PRKG1: variants seen among roughly 807,000 people sequenced by gnomAD.
PRKG1 encodes the protein cGMP-dependent protein kinase 1.
In PRKG1, 35 loss-of-function variants were observed where a neutral mutation model predicts 88.1. The observed-to-expected ratio is 0.40, with a 90% CI of 0.30 to 0.53. The LOEUF is 0.53. Among genes scored for constraint, PRKG1 ranks in the 20% least tolerant of loss-of-function variants. The pLI, the probability that PRKG1 is intolerant of heterozygous loss-of-function variation, is 0.59. For synonymous variants in PRKG1, 303 were observed against 292.5 expected (o/e 1.04, Z -0.37); for missense variants, 540 against 839.8 (o/e 0.64, Z 4.41).
chr10:51,259,128 G>T (rs746172788), intron 2 of PRKG1, among the ~76,000 whole-genome samples: 5 of 152,074 alleles, frequency 3.3e-5, no homozygotes, highest in Non-Finnish European at 5.9e-5. Flanking sequence ...TTAAAATACA[G>T]CATATTTTTG....
chr10:51,991,564 T>C (rs1197991153), intron 5 of PRKG1, among the ~76,000 whole-genome samples: 1 of 152,162 alleles, frequency 6.6e-6, no homozygotes, highest in Non-Finnish European at 1.5e-5. Context: ...TGGTGTGTGA[T>C]GTTCCCCTTC....
At chr10:51,916,406 G>A (rs1393309277) in intron 5 of PRKG1, among the ~76,000 whole-genome samples, 5 of 152,180 alleles carry the variant, frequency 3.3e-5, no homozygotes, top group Non-Finnish European at 5.9e-5. Context: ...GTGTAAAAAC[G>A]GAAGGTATGA....
upstream of PRKG1, among the ~76,000 whole-genome samples, chr10:51,069,603 A>C (rs1383913404): frequency 1.3e-5 from 2 of 152,036 alleles, no homozygotes; most frequent in Non-Finnish European, 2.9e-5. Flanking sequence ...TATTCATTGC[A>C]ATAGGATGAT....
chr10:51,603,974 A>C (rs1467435772), intron 3 of PRKG1, among the ~76,000 whole-genome samples: 1 of 152,130 alleles, frequency 6.6e-6, no homozygotes, highest in Non-Finnish European at 1.5e-5. Flanking sequence ...CCCAAGGTCT[A>C]GGTGTTTACC....
chr10:51,094,503 T>C (rs1844481603), intron 1 of PRKG1, among the ~76,000 whole-genome samples: 1 of 152,116 alleles, frequency 6.6e-6, no homozygotes, highest in Non-Finnish European at 1.5e-5. Flanking sequence ...GCATAATTCT[T>C]ACCTGAAACC....
At chr10:51,046,141 G>A (rs780073548) in intron 1 of PRKG1, among the ~76,000 whole-genome samples, 2 of 152,242 alleles carry the variant, frequency 1.3e-5, no homozygotes, top group African/African-American at 2.4e-5. Flanking sequence ...CTTCCAGTAT[G>A]TAACAATTGT....
chr10:51,733,942 A>C (rs1235622379), intron 3 of PRKG1, among the ~76,000 whole-genome samples: 2 of 152,158 alleles, frequency 1.3e-5, no homozygotes, highest in East Asian at 3.8e-4. Flanking sequence ...TATTAGGAAA[A>C]AACTCCATAT....
chr10:51,358,959 G>T lies in PRKG1; in HGVS notation c.479-108764G>T, dbSNP rs1842423594. ...TGGGGGGGGGGGTGTGGATTTTGTA[G>T]ATTTTTCCTGCATGTGAAGGTGTGA... On this transcript the variant is annotated intron_variant, in intron 2 of 17. Transcript: ENST00000373980. Among the ~76,000 whole-genome samples, 3 of 149,324 alleles carry T rather than the reference G, an allele frequency of 2.0e-5. No homozygotes were observed. In the South Asian group the frequency reaches 6.3e-4, roughly 31 times the overall value.
At chr10:52,121,836 G>C (rs1410911820) in intron 7 of PRKG1, among the ~76,000 whole-genome samples, 1 of 152,112 alleles carries the variant, frequency 6.6e-6, no homozygotes, top group Non-Finnish European at 1.5e-5. Flanking sequence ...GCCCTCACCA[G>C]AATTTCCCTT....
At chr10:51,558,534 A>G (rs116171905) in intron 3 of PRKG1, among the ~76,000 whole-genome samples, 2,381 of 152,176 alleles carry the variant, frequency 0.016, 44 homozygotes, top group African/African-American at 0.05. Context: ...TATACCTGTG[A>G]ATATGCATGG....
At chr10:51,483,295 A>G (rs976548913) in intron 3 of PRKG1, among the ~76,000 whole-genome samples, 1 of 152,178 alleles carries the variant, frequency 6.6e-6, no homozygotes, top group Non-Finnish European at 1.5e-5. Context: ...TGCTGGGATT[A>G]CAGGCGTGAG....
chr10:52,169,765 C>T (rs1838608638), intron 9 of PRKG1, among the ~76,000 whole-genome samples: 1 of 152,028 alleles, frequency 6.6e-6, no homozygotes, highest in Non-Finnish European at 1.5e-5. Flanking sequence ...TGAGCTTACA[C>T]CAAATAATAA....
chr10:52,201,241 G>A (rs1839660480), intron 9 of PRKG1, among the ~76,000 whole-genome samples: 1 of 152,146 alleles, frequency 6.6e-6, no homozygotes, highest in Admixed American at 6.6e-5. Context: ...TATAGTATAA[G>A]GAAGGGGTAC....
intron 9 of PRKG1, among the ~76,000 whole-genome samples, chr10:52,170,037 G>C (rs993985024): frequency 6.6e-6 from 1 of 152,096 alleles, no homozygotes; most frequent in Admixed American, 6.6e-5. Flanking sequence ...ATACTGAGTA[G>C]CATTCCCTTA....
intron 4 of PRKG1, among the ~76,000 whole-genome samples, chr10:51,894,057 T>G (rs1841784301): frequency 6.6e-6 from 1 of 152,174 alleles, no homozygotes; most frequent in Non-Finnish European, 1.5e-5. Context: ...GTCCTTGAGT[T>G]TTGAAGAAGT....
At chr10:51,509,946 A>G (rs1841342161) in intron 3 of PRKG1, among the ~76,000 whole-genome samples, 1 of 152,204 alleles carries the variant, frequency 6.6e-6, no homozygotes, top group South Asian at 2.1e-4. Flanking sequence ...TGGGAGACCT[A>G]GAACCTGCTT....
chr10:51,899,671 G>GTATATATATATA lies in PRKG1; in HGVS notation c.699-7823_699-7812dup, dbSNP rs57320165. Among the ~76,000 whole-genome samples the GTATATATATATA allele has an allele frequency of 7.9e-3, 955 of 120,324 alleles. 20 individuals are homozygous for GTATATATATATA. The highest frequency in any genetic ancestry group is 0.014 in the African/African-American group (470 of 32,980). 78.9% of individuals were successfully genotyped at this position (120,324 alleles called of 152,430 possible). ...AGAGTCTGTCAAAAAAAAGAAAAAT[G>GTATATATATATA]TATATATATATATATATATATATAC... On this transcript the variant is annotated intron_variant, in intron 4 of 17. Transcript: ENST00000373980.
At chr10:51,418,041 A>T (rs547763273) in intron 2 of PRKG1, among the ~76,000 whole-genome samples, 1 of 152,180 alleles carries the variant, frequency 6.6e-6, no homozygotes, top group South Asian at 2.1e-4. Context: ...CGCAGTTTCT[A>T]TTAGTAAATG....
intron 5 of PRKG1, among the ~76,000 whole-genome samples, chr10:51,993,825 C>T (rs1283464730): frequency 1.3e-5 from 2 of 152,146 alleles, no homozygotes; most frequent in Non-Finnish European, 2.9e-5. Context: ...TATTCTTCCT[C>T]ATTATCTCAA....
Sources: allele counts gnomAD v4.1 joint callset (sites outside exome capture counted in the v4.1 genomes callset), GRCh38; gene constraint gnomAD v4.1.1; transcripts MANE v1.5; gene names NCBI Gene and HGNC (gene_info 2026-07-23, HGNC 2026-07-21).